The following CEMIP variants were observed in gnomAD, a reference collection of about 807,000 sequenced individuals.
CEMIP encodes the protein cell migration-inducing and hyaluronan-binding protein.
A neutral mutation model predicts 156.9 loss-of-function variants in CEMIP; 105 were observed. The observed-to-expected ratio is 0.67, with a 90% CI of 0.57 to 0.79. CEMIP has a LOEUF of 0.79. Ranked by LOEUF, CEMIP falls within the 30% of genes least tolerant of loss-of-function variation. The pLI is 0.00. For missense variants in CEMIP, 1,457 were observed against 1,769.4 expected (o/e 0.82, Z 3.17); for synonymous variants, 676 against 668.4 (o/e 1.01, Z -0.17).
intron 28 of CEMIP, among the ~76,000 whole-genome samples, chr15:80,945,643 C>A (rs1429458121): frequency 6.6e-6 from 1 of 152,214 alleles, no homozygotes; most frequent in South Asian, 2.1e-4. Flanking sequence ...AGATCTTTCC[C>A]GCTGTTCCCA....
At chr15:80,918,863 C>T (rs964563117) in intron 14 of CEMIP, among the ~76,000 whole-genome samples, 1 of 151,934 alleles carries the variant, frequency 6.6e-6, no homozygotes, top group Non-Finnish European at 1.5e-5. Flanking sequence ...GGCTACAGGC[C>T]CTCTGAAGAC....
intron 1 of CEMIP, among the ~76,000 whole-genome samples, chr15:80,845,859 CA>C (rs575094874): frequency 4.8e-4 from 73 of 152,276 alleles, no homozygotes; most frequent in African/African-American, 1.7e-3. Context: ...AAAAGACACA[CA>C]AGGCAACTAG....
At chr15:80,920,363 C>A in intron 15 of CEMIP, 64 bp downstream of exon 15, 1 of 1,452,224 alleles carries the variant, frequency 6.9e-7, no homozygotes, top group Non-Finnish European at 9.5e-7. Flanking sequence ...TGCATGTGTT[C>A]ACTCAGCTCA....
intron 12 of CEMIP, among the ~76,000 whole-genome samples, chr15:80,902,630 T>C (rs1464304682): frequency 2.0e-5 from 3 of 152,170 alleles, no homozygotes; most frequent in African/African-American, 7.2e-5. Flanking sequence ...ACTGAAATAT[T>C]CTTGCAGCTC....
chr15:80,792,212 T>C (rs1896099020), intron 1 of CEMIP, among the ~76,000 whole-genome samples: 1 of 152,194 alleles, frequency 6.6e-6, no homozygotes, highest in African/African-American at 2.4e-5. Flanking sequence ...ATCTCCAAGA[T>C]GGTTCTAATC....
At chr15:80,781,233 G>A (rs1337040933) in intron 1 of CEMIP, among the ~76,000 whole-genome samples, 1 of 152,234 alleles carries the variant, frequency 6.6e-6, no homozygotes, top group Non-Finnish European at 1.5e-5. Flanking sequence ...ATGGGATTGG[G>A]AGGATATATT....
chr15:80,940,867 C>T (rs1901309831), intron 25 of CEMIP, among the ~76,000 whole-genome samples: 1 of 152,200 alleles, frequency 6.6e-6, no homozygotes, highest in Admixed American at 6.5e-5. Context: ...CTTGTTTCAG[C>T]TACTTGCTGC....
At chr15:80,909,549 G>T (rs775696034) in intron 14 of CEMIP, 1 of 590,294 alleles carries the variant, frequency 1.7e-6, no homozygotes, top group South Asian at 1.5e-5. Flanking sequence ...GGTGGTTTCT[G>T]GGAGTCCAGT....
chr15:80,788,655 G>A (rs1327810846), intron 1 of CEMIP, among the ~76,000 whole-genome samples: 1 of 152,154 alleles, frequency 6.6e-6, no homozygotes, highest in African/African-American at 2.4e-5. Context: ...TAGTGGCTAA[G>A]TACTTTTCCT....
intron 1 of CEMIP, among the ~76,000 whole-genome samples, chr15:80,853,746 G>A (rs752666671): frequency 6.6e-6 from 1 of 152,206 alleles, no homozygotes; most frequent in African/African-American, 2.4e-5. Context: ...CAGACTTAAG[G>A]ACAATGGTGT....
chr15:80,832,281 A>G (rs1449782263), intron 1 of CEMIP, among the ~76,000 whole-genome samples: 2 of 150,238 alleles, frequency 1.3e-5, no homozygotes, highest in Non-Finnish European at 3.0e-5. Flanking sequence ...TACTATACAG[A>G]CAGGACTTCA....
chr15:80,780,174 C>T (rs1368751709), intron 1 of CEMIP, among the ~76,000 whole-genome samples: 4 of 152,192 alleles, frequency 2.6e-5, no homozygotes, highest in African/African-American at 9.6e-5. Flanking sequence ...CACCCAGCGA[C>T]GCGCTGGCGC....
intron 29 of CEMIP, 38 bp downstream of exon 29, chr15:80,947,103 C>T: frequency 7.4e-7 from 1 of 1,344,860 alleles, no homozygotes. Flanking sequence ...GACCCCAAAA[C>T]CAGAGAAGGC....
chr15:80,797,440 G>A (rs1205186816), intron 1 of CEMIP, among the ~76,000 whole-genome samples: 1 of 152,224 alleles, frequency 6.6e-6, no homozygotes, highest in Non-Finnish European at 1.5e-5. Context: ...GGGTGCTCAT[G>A]GTCTAAGGGG....
At chr15:80,828,145 G>A (rs1406929041) in intron 1 of CEMIP, among the ~76,000 whole-genome samples, 2 of 152,168 alleles carry the variant, frequency 1.3e-5, no homozygotes, top group African/African-American at 2.4e-5. Context: ...TTGGGAGGCC[G>A]AGGCAGGCAG....
intron 8 of CEMIP, among the ~76,000 whole-genome samples, chr15:80,888,047 G>A (rs1318004519): frequency 6.6e-6 from 1 of 152,200 alleles, no homozygotes; most frequent in African/African-American, 2.4e-5. Context: ...CTGAGATAGA[G>A]CCAGCAGGGG....
At chr15:80,810,166 T>C (rs1162302155) in intron 1 of CEMIP, among the ~76,000 whole-genome samples, 1 of 152,204 alleles carries the variant, frequency 6.6e-6, no homozygotes, top group Non-Finnish European at 1.5e-5. Context: ...TCTTAACTAA[T>C]AATATGGATG....
At chr15:80,891,298 A>G (rs547031470) in intron 10 of CEMIP, among the ~76,000 whole-genome samples, 3 of 152,292 alleles carry the variant, frequency 2.0e-5, no homozygotes, top group South Asian at 4.1e-4. Context: ...TCTTGCATTT[A>G]CTTTGCTCCC....
chr15:80,839,331 T>TGTGTGTGTGTGTGTGTGTGTGTGTG (rs1596124534), intron 1 of CEMIP, among the ~76,000 whole-genome samples: 9 of 150,940 alleles, frequency 6.0e-5, no homozygotes, highest in African/African-American at 2.2e-4. Context: ...TGTGTGTGTG[T>TGTGTGTGTGTGTGTGTGTGTGTGTG]TTAATTTGTG....
Sources: allele counts gnomAD v4.1 joint callset (sites outside exome capture counted in the v4.1 genomes callset), GRCh38; gene constraint gnomAD v4.1.1; transcripts MANE v1.5; gene names NCBI Gene and HGNC (gene_info 2026-07-23, HGNC 2026-07-21).